SEPTIN11: variants seen among roughly 807,000 people sequenced by gnomAD.
SEPTIN11 encodes septin 11.
Under a neutral mutation model 51.4 loss-of-function variants are expected in SEPTIN11, and 25 were observed. That is an observed-to-expected ratio of 0.49 (90% CI 0.35 to 0.68). SEPTIN11 has a LOEUF of 0.68. Among genes scored for constraint, SEPTIN11 ranks in the 30% least tolerant of loss-of-function variants. The pLI is 0.00. For synonymous variants in SEPTIN11, 174 were observed against 184.1 expected (o/e 0.95, Z 0.44); for missense variants, 381 against 520.8 (o/e 0.73, Z 2.61).
chr4:77,016,615 C>CATATATAT lies in SEPTIN11; in HGVS notation c.687+1606_687+1613dup, dbSNP rs370267588. On this transcript the variant is annotated intron_variant, in intron 5 of 9. Coordinates refer to ENST00000264893, the MANE Select transcript of SEPTIN11 (RefSeq NM_018243.4). Reference sequence around the variant, plus strand: ...ATACACACACATATATATATATACACATATATATATATATACACATATATA... The same window carrying CATATATAT: ...ATACACACACATATATATATATACACATATATATATATATATATATATACACATATATA... 2.0e-3 allele frequency among the ~76,000 whole-genome samples: 158 copies of CATATATAT among 79,220 alleles called. 1 individual carries two copies. The highest frequency in any genetic ancestry group is 7.2e-3 in the African/African-American group (154 of 21,488). 52.0% of individuals were successfully genotyped at this position (79,220 alleles called of 152,430 possible). A position where few individuals can be genotyped will look rare whatever the true frequency, so the allele number is the denominator to read the frequency against.
downstream of SEPTIN11, chr4:77,039,263 T>C (rs761847980): frequency 2.0e-5 from 23 of 1,171,316 alleles, no homozygotes; most frequent in Non-Finnish European, 2.4e-5. Flanking sequence ...TGTCTGCCCA[T>C]AGTGGATACT....
In SEPTIN11 at chr4:77,036,453, G is replaced by A. The variant is rs201602625; in HGVS notation, c.*1941G>A. On this transcript the variant is annotated 3_prime_UTR_variant, in exon 10 of 10. Transcript: ENST00000264893. ...GCTTGTGTGAGCATTTTTGTGGCTT[G>A]TACAGAAAGTACACTTTTAAATTGT... is the stretch of plus-strand genomic sequence containing the variant. The A allele has an allele frequency of 2.5e-6, 3 of 1,213,258 alleles. No individual in the cohort carries two copies. The East Asian group carries it at 1.5e-4, about 62-fold the overall frequency. The allele number at this position is 1,213,258 out of a possible 1,614,324, so 75.2% of individuals were successfully genotyped here.
chr4:76,967,100 G>C (rs1722064651), intron 1 of SEPTIN11, among the ~76,000 whole-genome samples: 2 of 152,146 alleles, frequency 1.3e-5, no homozygotes, highest in Admixed American at 1.3e-4. Context: ...GGGAGGCTGA[G>C]GCACGAGAAT....
At position 76,974,576 on chromosome 4, in the gene SEPTIN11, C is replaced by T. The variant is rs1578131406; in HGVS notation, c.28-21849C>T. 3 of 364,968 alleles carry T rather than the reference C, an allele frequency of 8.2e-6. No homozygotes were observed. In the East Asian group the frequency reaches 2.2e-4, roughly 27 times the overall value. The allele number at this position is 364,968 out of a possible 1,614,324, so 22.6% of individuals were successfully genotyped here. A position where few individuals can be genotyped will look rare whatever the true frequency, so the allele number is the denominator to read the frequency against. ...CTGACACTTGCCCACACTACAAACC[C>T]AAGGACAGTAGAACTAAGGCGTTCT... On this transcript the variant is annotated intron_variant, in intron 1 of 9. Coordinates refer to ENST00000264893, the MANE Select transcript of SEPTIN11 (RefSeq NM_018243.4).
chr4:76,971,480 G>A (rs1722239434), intron 1 of SEPTIN11, among the ~76,000 whole-genome samples: 1 of 129,130 alleles, frequency 7.7e-6, no homozygotes, highest in Non-Finnish European at 1.8e-5. Flanking sequence ...TGAGATTTGA[G>A]TACTAAATTT....
At position 77,036,753 on chromosome 4, in the gene SEPTIN11, A is replaced by C. The variant is rs1351687522; in HGVS notation, c.*2241A>C. 2.6e-6 allele frequency: 4 copies of C among 1,533,308 alleles called. No homozygotes were observed. Among genetic ancestry groups the C allele is most frequent in the Non-Finnish European group, 2.6e-6 (3 of 1,146,664 alleles). The allele number at this position is 1,533,308 out of a possible 1,614,324, so 95.0% of individuals were successfully genotyped here. On this transcript the variant is annotated 3_prime_UTR_variant, in exon 10 of 10. Coordinates refer to ENST00000264893, the MANE Select transcript of SEPTIN11 (RefSeq NM_018243.4). The stretch of plus-strand genomic sequence containing the variant: ...GCTTTTCTTTTTTCTTTCTGTATCT[A>C]TGCCTTTTTTTCACAGTAGTCCTTG...
chr4:76,955,218 A>G (rs980400061), intron 1 of SEPTIN11, among the ~76,000 whole-genome samples: 2 of 152,214 alleles, frequency 1.3e-5, no homozygotes, highest in Non-Finnish European at 2.9e-5. Flanking sequence ...CTGTTTTATC[A>G]GACATTTCTT....
At chr4:77,020,062 G>A (rs1725587333) in intron 6 of SEPTIN11, among the ~76,000 whole-genome samples, 1 of 152,230 alleles carries the variant, frequency 6.6e-6, no homozygotes, top group Non-Finnish European at 1.5e-5. Context: ...GCCCTGCACA[G>A]TTATAGACAG....
chr4:77,018,022 C>T (rs768138991), intron 5 of SEPTIN11, among the ~76,000 whole-genome samples: 7 of 152,014 alleles, frequency 4.6e-5, no homozygotes, highest in Non-Finnish European at 8.8e-5. Context: ...GTGAGACACA[C>T]AAGTATTTTA....
chr4:76,986,038 A>G (rs950873699), intron 1 of SEPTIN11, among the ~76,000 whole-genome samples: 1 of 152,152 alleles, frequency 6.6e-6, no homozygotes, highest in African/African-American at 2.4e-5. Flanking sequence ...TGTTAGAGGT[A>G]TACATCAGGG....
Position 77,034,705 on chromosome 4 carries a change from G to A in SEPTIN11, c.*193G>A, listed in dbSNP as rs1439473127. 5.4e-6 allele frequency: 7 copies of A among 1,308,336 alleles called. No individual in the cohort carries two copies. Among genetic ancestry groups the A allele is most frequent in the Non-Finnish European group, 6.8e-6 (7 of 1,026,656 alleles). The allele number at this position is 1,308,336 out of a possible 1,614,324, so 81.0% of individuals were successfully genotyped here. A position where few individuals can be genotyped will look rare whatever the true frequency, so the allele number is the denominator to read the frequency against. The stretch of plus-strand genomic sequence containing the variant: ...AAAATGATAGAACAAGGGAATAACC[G>A]CGAATGCTCTGTGCAGCTGGACTCT... On this transcript the variant is annotated 3_prime_UTR_variant, in exon 10 of 10. Coordinates refer to ENST00000264893, the MANE Select transcript of SEPTIN11 (RefSeq NM_018243.4).
intron 1 of SEPTIN11, among the ~76,000 whole-genome samples, chr4:76,975,593 A>T (rs1027184205): frequency 6.6e-6 from 1 of 152,230 alleles, no homozygotes; most frequent in African/African-American, 2.4e-5. Flanking sequence ...GTCTGACTTA[A>T]TGGACAGCTG....
intron 1 of SEPTIN11, among the ~76,000 whole-genome samples, chr4:76,960,719 A>G (rs1721793508): frequency 6.6e-6 from 1 of 152,044 alleles, no homozygotes; most frequent in African/African-American, 2.4e-5. Context: ...GGCTTTTCCT[A>G]TTTCCTGTTC....
chr4:76,973,548 C>G (rs910937849), intron 1 of SEPTIN11, among the ~76,000 whole-genome samples: 1 of 152,234 alleles, frequency 6.6e-6, no homozygotes, highest in Non-Finnish European at 1.5e-5. Context: ...TGGATTTCCT[C>G]AGACCATCCC....
intron 8 of SEPTIN11, 126 bp from the exon 9 acceptor site, chr4:77,030,657 A>C: frequency 1.2e-6 from 1 of 803,862 alleles, no homozygotes; most frequent in South Asian, 2.0e-5. Flanking sequence ...GGCCTCCCAA[A>C]GTGCTGAAAT....
chr4:76,990,009 G>T (rs1333330655), intron 1 of SEPTIN11, among the ~76,000 whole-genome samples: 2 of 152,270 alleles, frequency 1.3e-5, no homozygotes, highest in Non-Finnish European at 1.5e-5. Flanking sequence ...AAGATTTATT[G>T]TGAAGAGCAA....
intron 1 of SEPTIN11, among the ~76,000 whole-genome samples, chr4:76,974,113 T>C (rs887766083): frequency 2.0e-5 from 3 of 152,188 alleles, no homozygotes; most frequent in African/African-American, 4.8e-5. Flanking sequence ...ACTCACATGT[T>C]GTCCCCTCAT....
Position 77,034,546 on chromosome 4 carries a change from C to G in SEPTIN11, c.*34C>G. 6.5e-7 allele frequency: 1 copy of G among 1,543,464 alleles called. No individual in the cohort carries two copies. The highest frequency in any genetic ancestry group is 8.7e-7 in the Non-Finnish European group (1 of 1,149,936). ...AAGCCAAGGATGTTCCCGCATTCACCTGCTTTTGCAGTAATATCGTATCTC... is the reference window on the plus strand; with the variant it reads ...AAGCCAAGGATGTTCCCGCATTCACGTGCTTTTGCAGTAATATCGTATCTC... On this transcript the variant is annotated 3_prime_UTR_variant, in exon 10 of 10. Coordinates refer to ENST00000264893, the MANE Select transcript of SEPTIN11 (RefSeq NM_018243.4).
intron 9 of SEPTIN11, among the ~76,000 whole-genome samples, chr4:77,032,773 C>A (rs1255370549): frequency 1.3e-5 from 2 of 152,138 alleles, no homozygotes; most frequent in African/African-American, 4.8e-5. Context: ...ACTAGACGTG[C>A]CTTTAAGCAA....
Sources: allele counts gnomAD v4.1 joint callset (sites outside exome capture counted in the v4.1 genomes callset), GRCh38; gene constraint gnomAD v4.1.1; transcripts MANE v1.5; gene names NCBI Gene and HGNC (gene_info 2026-07-23, HGNC 2026-07-21).